Variants in DGKB observed in about 807,000 individuals in gnomAD.
The protein encoded by DGKB is 90 kDa diacylglycerol kinase.
In DGKB, 67 loss-of-function variants were observed where a neutral mutation model predicts 114.3. The observed-to-expected ratio is 0.59, with a 90% CI of 0.48 to 0.72. DGKB has a LOEUF of 0.72. DGKB is among the 30% of genes least tolerant of loss of function. DGKB has a pLI of 0.00. For synonymous variants in DGKB, 398 were observed against 323.1 expected (o/e 1.23, Z -2.49); for missense variants, 907 against 975.2 (o/e 0.93, Z 0.93).
At chr7:14,492,993 T>C (rs1473911717) in intron 20 of DGKB, among the ~76,000 whole-genome samples, 1 of 152,128 alleles carries the variant, frequency 6.6e-6, no homozygotes, top group African/African-American at 2.4e-5. Context: ...ACATCTACTT[T>C]GAATGCTTAA....
chr7:14,778,160 G>A (rs1838490719), intron 2 of DGKB, among the ~76,000 whole-genome samples: 1 of 152,184 alleles, frequency 6.6e-6, no homozygotes. Context: ...AAATTGCTTT[G>A]AAGCAGAAAG....
intron 20 of DGKB, among the ~76,000 whole-genome samples, chr7:14,572,187 CTCATGCCTGTAA>C (rs919345014): frequency 6.6e-6 from 1 of 151,932 alleles, no homozygotes; most frequent in African/African-American, 2.4e-5. Context: ...GGCGCGGTAG[CTCATGCCTGTAA>C]TCCCAGCACT....
chr7:14,652,230 C>G (rs1174150861), intron 13 of DGKB, among the ~76,000 whole-genome samples: 1 of 151,504 alleles, frequency 6.6e-6, no homozygotes, highest in Admixed American at 6.6e-5. Flanking sequence ...GGAGGCATCA[C>G]ACTACCTGAC....
intron 21 of DGKB, among the ~76,000 whole-genome samples, chr7:14,434,088 A>T (rs750546151): frequency 6.6e-6 from 1 of 152,136 alleles, no homozygotes; most frequent in Non-Finnish European, 1.5e-5. Flanking sequence ...AATCTCTTTC[A>T]TTTTTGGAGT....
intron 25 of DGKB, among the ~76,000 whole-genome samples, chr7:14,171,306 A>G (rs1780959214): frequency 6.6e-6 from 1 of 152,138 alleles, no homozygotes; most frequent in Non-Finnish European, 1.5e-5. Flanking sequence ...TTTAATGTAT[A>G]ATCTGTTCAT....
At chr7:14,857,585 G>GT (rs1422015184) in intron 1 of DGKB, among the ~76,000 whole-genome samples, 1 of 151,916 alleles carries the variant, frequency 6.6e-6, no homozygotes, top group Non-Finnish European at 1.5e-5. Flanking sequence ...TCTTATTTTT[G>GT]TTTTATTTTC....
At chr7:14,759,915 A>C (rs979498) in intron 2 of DGKB, among the ~76,000 whole-genome samples, 57,625 of 152,040 alleles carry the variant, frequency 0.38, 15,831 homozygotes, top group African/African-American at 0.77. Context: ...TCCTTGCCAA[A>C]ACTTGTTATT....
chr7:14,542,491 T>C (rs1793621646), intron 20 of DGKB, among the ~76,000 whole-genome samples: 1 of 152,168 alleles, frequency 6.6e-6, no homozygotes, highest in Admixed American at 6.6e-5. Flanking sequence ...ATTTTCCTAT[T>C]TAATCCCTAC....
At chr7:14,316,511 C>G (rs565784675) in intron 23 of DGKB, among the ~76,000 whole-genome samples, 1 of 130,090 alleles carries the variant, frequency 7.7e-6, no homozygotes, top group Non-Finnish European at 1.6e-5. Flanking sequence ...AACACCTCTA[C>G]GCAAATAAAC....
At chr7:14,874,763 C>T (rs898463194) in intron 1 of DGKB, among the ~76,000 whole-genome samples, 7 of 151,916 alleles carry the variant, frequency 4.6e-5, no homozygotes, top group South Asian at 2.1e-4. Flanking sequence ...AATTATATGC[C>T]GATCTTCTAG....
At chr7:14,562,726 A>C (rs900256581) in intron 20 of DGKB, among the ~76,000 whole-genome samples, 2 of 152,112 alleles carry the variant, frequency 1.3e-5, no homozygotes, top group Non-Finnish European at 2.9e-5. Context: ...CTGTACCCCC[A>C]TTGTATCTAG....
intron 23 of DGKB, among the ~76,000 whole-genome samples, chr7:14,304,083 ACACACTCT>A (rs1452467755): frequency 2.6e-5 from 1 of 39,152 alleles, no homozygotes; most frequent in African/African-American, 7.6e-5. Context: ...ACACACACAC[ACACACTCT>A]CTCTCTCTCA....
chr7:14,915,299 G>A (rs1348447863), intron 1 of DGKB, among the ~76,000 whole-genome samples: 1 of 152,100 alleles, frequency 6.6e-6, no homozygotes, highest in South Asian at 2.1e-4. Flanking sequence ...AATCACTTGA[G>A]CCCAGGAATT....
chr7:14,408,614 T>C (rs1321101720), intron 21 of DGKB, among the ~76,000 whole-genome samples: 1 of 152,160 alleles, frequency 6.6e-6, no homozygotes, highest in Non-Finnish European at 1.5e-5. Context: ...GTTATAATCC[T>C]ATTCTTCTAG....
Position 14,697,997 on chromosome 7 carries a change from AAAAGAAAG to A in DGKB, c.591+90_591+97del, listed in dbSNP as rs3071276. 4,120 of 679,720 alleles carry A rather than the reference AAAAGAAAG, an allele frequency of 6.1e-3. 28 individuals carry two copies. Among genetic ancestry groups the A allele is most frequent in the Non-Finnish European group, 7.2e-3 (2,801 of 389,986 alleles). 42.1% of individuals were successfully genotyped at this position (679,720 alleles called of 1,614,324 possible). A position where few individuals can be genotyped will look rare whatever the true frequency, so the allele number is the denominator to read the frequency against. On this transcript the variant is annotated intron_variant, in intron 8 of 25. Coordinates refer to ENST00000402815, the MANE Select transcript of DGKB (RefSeq NM_001350709.2). ...AGAAAGAAAGAGAGAGAGAAAGAAA[AAAAGAAAG>A]AAAGAAAGAAAGAGAAAGAAAGAAA... is the stretch of plus-strand genomic sequence containing the variant.
At chr7:14,772,474 A>C (rs903385112) in intron 2 of DGKB, among the ~76,000 whole-genome samples, 1 of 152,212 alleles carries the variant, frequency 6.6e-6, no homozygotes, top group Non-Finnish European at 1.5e-5. Flanking sequence ...GATAGTAAAA[A>C]TGTTGAAGAA....
chr7:14,888,141 A>C lies in DGKB; in HGVS notation c.-188+14451T>G, dbSNP rs144053426. On this transcript the variant is annotated intron_variant, in intron 1 of 25. Transcript: ENST00000402815. ...ATGCAAGAAAGACAAGAACTGGTAG[A>C]AGGAAAATATATTTAATAATTAGGA... 1.3e-4 allele frequency among the ~76,000 whole-genome samples: 20 copies of C among 151,892 alleles called. 1 individual carries two copies. The highest frequency in any genetic ancestry group is 2.5e-4 in the Non-Finnish European group (17 of 67,826).
chr7:14,374,014 C>T (rs187200291), intron 21 of DGKB, among the ~76,000 whole-genome samples: 82 of 152,222 alleles, frequency 5.4e-4, no homozygotes, highest in African/African-American at 2.0e-3. Flanking sequence ...CCTGAAAGAT[C>T]TAAGACAGTC....
chr7:14,623,712 G>T (rs1248613734), intron 14 of DGKB, among the ~76,000 whole-genome samples: 1 of 152,098 alleles, frequency 6.6e-6, no homozygotes, highest in Admixed American at 6.6e-5. Flanking sequence ...AAAGTGATGT[G>T]CTTTCATATA....
Sources: gnomAD v4.1 joint callset for allele counts (sites outside exome capture counted in the v4.1 genomes callset) on GRCh38, gnomAD v4.1.1 for gene constraint, MANE v1.5 for transcripts, NCBI Gene and HGNC (gene_info 2026-07-23, HGNC 2026-07-21) for gene names.